The following SELENOV variants were observed in gnomAD, a reference collection of about 807,000 sequenced individuals.
The protein encoded by SELENOV is selenoprotein V.
A neutral mutation model predicts 21.6 loss-of-function variants in SELENOV; 25 were observed. That is an observed-to-expected ratio of 1.16 (90% CI 0.84 to 1.62). The LOEUF (loss-of-function observed/expected upper bound fraction) is 1.62, where lower values mean the gene tolerates loss of function less well. SELENOV is among the 40% of genes most tolerant of loss of function. The pLI is 0.00. For synonymous variants in SELENOV, 227 were observed against 216.9 expected (o/e 1.05, Z -0.41); for missense variants, 472 against 459.0 (o/e 1.03, Z -0.26).
In SELENOV at chr19:39,515,664, T is replaced by C; in HGVS notation, c.452T>C (p.Leu151Ser). The change falls in exon 1 of 6, where the codon TTG becomes TCG. Residue 151 changes from leucine (L) to serine (S), a missense_variant. Transcript: ENST00000335426. The surrounding 1 kb of genome is among the most constrained non-coding windows in gnomAD (Gnocchi z 5.1). Reference sequence around the variant, plus strand: ...TCCTACCTGGCCCCGGCCCTACCTTTGGATCCGCCCCCGGAACCTGCTCCG... The same window carrying C: ...TCCTACCTGGCCCCGGCCCTACCTTCGGATCCGCCCCCGGAACCTGCTCCG... 6.5e-7 allele frequency: 1 copy of C among 1,548,538 alleles called. No homozygotes were observed. Among genetic ancestry groups the C allele is most frequent in the Admixed American group, 2.0e-5 (1 of 50,992 alleles).
In SELENOV at chr19:39,515,697, C is replaced by G; in HGVS notation, c.485C>G (p.Pro162Arg). ...CCCCCGGAACCTGCTCCGGAGCTGC[C>G]TTTGTTGCCCGAGGAGGACCCTGAG... is the stretch of plus-strand genomic sequence containing the variant. Residue 162 changes from proline (P) to arginine (R), a missense_variant, in exon 1 of 6, where the codon CCT (proline) becomes CGT (arginine). Transcript: ENST00000335426. The surrounding 1 kb of genome is among the most constrained non-coding windows in gnomAD (Gnocchi z 5.1). 6.5e-7 allele frequency: 1 copy of G among 1,549,274 alleles called. No individual in the cohort carries two copies. Among genetic ancestry groups the G allele is most frequent in the Non-Finnish European group, 8.7e-7 (1 of 1,146,786 alleles).
rs1269336408 is a variant in SELENOV, at chr19:39,518,419, G to A, written c.810-189G>A. 2.4e-5 allele frequency: 15 copies of A among 635,620 alleles called. No individual in the cohort carries two copies. In the Admixed American group the frequency reaches 3.8e-4, roughly 16 times the overall value. The allele number at this position is 635,620 out of a possible 1,614,324, so 39.4% of individuals were successfully genotyped here. A position where few individuals can be genotyped will look rare whatever the true frequency, so the allele number is the denominator to read the frequency against. On this transcript the variant is annotated intron_variant, in intron 1 of 5. Coordinates refer to ENST00000335426, the Ensembl canonical transcript of SELENOV. ...AGAGGGGTGAGAAGGCAGATCCTGT[G>A]GTGGCTTGCAGGCCACGGGAAGGAC...
intron 1 of SELENOV, 120 bp downstream of exon 1, chr19:39,516,141 C>A: frequency 1.2e-6 from 1 of 853,354 alleles, no homozygotes; most frequent in Non-Finnish European, 1.9e-6. Context: ...TCAGGAAGAG[C>A]CCCAGAGTTC....
chr19:39,518,315 G>GAGAA (rs779271539), intron 1 of SELENOV, among the ~76,000 whole-genome samples: 12 of 151,074 alleles, frequency 7.9e-5, no homozygotes, highest in Non-Finnish European at 1.8e-4. Flanking sequence ...GAGAGAGAGA[G>GAGAA]AGAAAGAAAG....
intron 3 of SELENOV, 36 bp downstream of exon 3, chr19:39,518,829 G>C (rs747178570): frequency 1.2e-5 from 20 of 1,611,482 alleles, no homozygotes; most frequent in Non-Finnish European, 1.6e-5. Flanking sequence ...GAGGGGGGTG[G>C]TCAGGGATCT....
At position 39,517,964 on chromosome 19, in the gene SELENOV, CAAAAAAAAAAA is replaced by C. The variant is rs56157115; in HGVS notation, c.810-627_810-617del. Among the ~76,000 whole-genome samples the C allele has an allele frequency of 1.1e-3, 14 of 12,362 alleles. 2 individuals carry two copies. The highest frequency in any genetic ancestry group is 3.0e-3 in the Admixed American group (2 of 674). The allele number at this position is 12,362 out of a possible 152,430, so 8.1% of individuals were successfully genotyped here. On this transcript the variant is annotated intron_variant, in intron 1 of 5. Coordinates refer to ENST00000335426, the Ensembl canonical transcript of SELENOV. ...TGGGCGACAGAGCAAGACTCTGTCT[CAAAAAAAAAAA>C]AAAAAAAAAAAAAAAAGCCCAGCGC...
chr19:39,515,669 C>G lies in SELENOV; in HGVS notation c.457C>G (p.Pro153Ala). ...CCTGGCCCCGGCCCTACCTTTGGAT[C>G]CGCCCCCGGAACCTGCTCCGGAGCT... Residue 153 changes from proline (P) to alanine (A), a missense_variant, in exon 1 of 6, where the codon CCG becomes GCG. Physicochemically the swap from Pro to Ala is conservative, Grantham distance 27. Coordinates refer to ENST00000335426, the Ensembl canonical transcript of SELENOV. This position sits in a 1 kb window ranked among gnomAD's most constrained non-coding sequence, Gnocchi z 5.1. The G allele has an allele frequency of 6.5e-7, 1 of 1,548,650 alleles. No homozygotes were observed. The highest frequency in any genetic ancestry group is 8.7e-7 in the Non-Finnish European group (1 of 1,146,826).
At chr19:39,518,126 C>T (rs2079707314) in intron 1 of SELENOV, among the ~76,000 whole-genome samples, 2 of 151,188 alleles carry the variant, frequency 1.3e-5, no homozygotes, top group Non-Finnish European at 3.0e-5. Context: ...AAAAAATTAC[C>T]CGGGCGTGGT....
intron 3 of SELENOV, 22 bp from the exon 4 acceptor site, chr19:39,518,881 T>C (rs1482012522): frequency 1.2e-6 from 2 of 1,613,552 alleles, no homozygotes; most frequent in Non-Finnish European, 8.5e-7. Flanking sequence ...TAGCCTCCCC[T>C]ACGCTCACCA....
intron 3 of SELENOV, 33 bp downstream of exon 3, chr19:39,518,826 G>C: frequency 6.2e-7 from 1 of 1,612,600 alleles, no homozygotes; most frequent in Non-Finnish European, 8.5e-7. Context: ...GGAGAGGGGG[G>C]TGGTCAGGGA....
intron 5 of SELENOV, among the ~76,000 whole-genome samples, chr19:39,519,741 G>A (rs909867312): frequency 3.3e-5 from 5 of 151,602 alleles, no homozygotes; most frequent in Non-Finnish European, 5.9e-5. Flanking sequence ...CGAGGCGGGC[G>A]GGTCACGAGG....
At chr19:39,516,980 A>G (rs1252243348) in intron 1 of SELENOV, among the ~76,000 whole-genome samples, 2 of 151,838 alleles carry the variant, frequency 1.3e-5, no homozygotes, top group Non-Finnish European at 2.9e-5. Flanking sequence ...TATAGGTGTG[A>G]GCCACCGCGC....
chr19:39,516,400 C>T, intron 1 of SELENOV: 1 of 392,574 alleles, frequency 2.5e-6, no homozygotes. Flanking sequence ...AGCCTCTCTC[C>T]TGCCCTGGAA....
In SELENOV at chr19:39,518,885, C is replaced by G; in HGVS notation, c.889-18C>G. The G allele has an allele frequency of 6.2e-7, 1 of 1,613,822 alleles. No homozygotes were observed. On this transcript the variant is annotated intron_variant, in intron 3 of 5. Transcript: ENST00000335426. ...AGGAGAGAGCTTAGCCTCCCCTACG[C>G]TCACCATTTCCTCCCAGGAGGAGGA...
rs796644060 is a variant in SELENOV, at chr19:39,515,773, C to T, written c.561C>T (p.Pro187=). Reference sequence around the variant, plus strand: ...CGTCGGTCTCCAGCGAGGCCGGGCCCGCCCCGGGGCCCCTTCCCACGCGCA... The same window carrying T: ...CGTCGGTCTCCAGCGAGGCCGGGCCTGCCCCGGGGCCCCTTCCCACGCGCA... Residue 187 remains proline, a synonymous_variant, in exon 1 of 6, where the codon CCC becomes CCT. Coordinates refer to ENST00000335426, the Ensembl canonical transcript of SELENOV. The surrounding 1 kb of genome is among the most constrained non-coding windows in gnomAD (Gnocchi z 5.1). 1.9e-6 allele frequency: 3 copies of T among 1,549,194 alleles called. No homozygotes were observed. Among genetic ancestry groups the T allele is most frequent in the African/African-American group, 2.7e-5 (2 of 73,104 alleles).
At chr19:39,518,717 A>T (rs752444162) in intron 2 of SELENOV, 23 bp from the exon 3 acceptor site, 2 of 1,613,632 alleles carry the variant, frequency 1.2e-6, no homozygotes, top group East Asian at 4.5e-5. Flanking sequence ...CTGCAACCCC[A>T]TGACCCCATC....
At chr19:39,518,038 C>G (rs2079706744) in intron 1 of SELENOV, among the ~76,000 whole-genome samples, 1 of 142,740 alleles carries the variant, frequency 7.0e-6, no homozygotes, top group South Asian at 2.2e-4. Context: ...TTTGGGAGGC[C>G]GAGGTGGGTG....
intron 1 of SELENOV, 33 bp from the exon 2 acceptor site, chr19:39,518,575 T>C (rs961727442): frequency 6.3e-7 from 1 of 1,583,152 alleles, no homozygotes; most frequent in African/African-American, 1.3e-5. Flanking sequence ...CTGGTCTCTC[T>C]CTTAACTTTC....
At chr19:39,517,459 A>G (rs1354371331) in intron 1 of SELENOV, among the ~76,000 whole-genome samples, 2 of 152,034 alleles carry the variant, frequency 1.3e-5, no homozygotes, top group Admixed American at 6.6e-5. Flanking sequence ...AAATGATCTC[A>G]TATGTGAGGA....
Sources: allele counts gnomAD v4.1 joint callset (sites outside exome capture counted in the v4.1 genomes callset), GRCh38; gene constraint gnomAD v4.1.1; non-coding constraint Gnocchi (gnomAD v3.1); transcripts MANE v1.5; gene names NCBI Gene and HGNC (gene_info 2026-07-23, HGNC 2026-07-21).